Variants in WDR90 observed in about 807,000 individuals in gnomAD.
The protein encoded by WDR90 is WD repeat-containing protein 90.
Under a neutral mutation model 195.2 loss-of-function variants are expected in WDR90, and 238 were observed. The ratio of observed to expected loss-of-function variants is 1.22; its 90% CI spans 1.10 to 1.36. The LOEUF (loss-of-function observed/expected upper bound fraction) is 1.36. Ranked by LOEUF, WDR90 falls within the 40% of genes most tolerant of loss-of-function variation. WDR90 has a pLI of 0.00. For missense variants in WDR90, 2,734 were observed against 2,439.5 expected (o/e 1.12, Z -2.54); for synonymous variants, 1,265 against 1,052.4 (o/e 1.20, Z -3.91).
In WDR90 at chr16:655,794, G is replaced by A; in HGVS notation, c.1871G>A (p.Ser624Asn). 4 of 1,590,358 alleles carry A rather than the reference G, an allele frequency of 2.5e-6. No individual in the cohort carries two copies. The highest frequency in any genetic ancestry group is 3.4e-6 in the Non-Finnish European group (4 of 1,169,580). Residue 624 changes from serine (S) to asparagine (N), a missense_variant, in exon 17 of 41, where the codon AGC (serine) becomes AAC (asparagine). Coordinates refer to ENST00000293879, the MANE Select transcript of WDR90 (RefSeq NM_145294.5). ...FSSGPGIAIS[S>N]LSVSPAMCAV... ...CCAGGCCCCGGCATTGCCATCAGCA[G>A]CCTCAGCGTCTCCCCGGCCATGTGT...
Position 655,412 on chromosome 16 carries a change from C to T in WDR90, c.1662C>T (p.Thr554=), listed in dbSNP as rs770377580. 3.0e-5 allele frequency: 47 copies of T among 1,588,064 alleles called. No individual in the cohort carries two copies. Among genetic ancestry groups the T allele is most frequent in the Admixed American group, 3.4e-5 (2 of 58,336 alleles). Reference sequence around the variant, plus strand: ...GGGAGCACCACGCGCTGCAGTTCACCGACCTGGCCTTCAAGCAGGCCCGGG... The same window carrying T: ...GGGAGCACCACGCGCTGCAGTTCACTGACCTGGCCTTCAAGCAGGCCCGGG... ...DLGEHHALQF[T]DLAFKQARDG... Residue 554 remains threonine (T), a synonymous_variant, in exon 15 of 41, where the codon ACC becomes ACT. Transcript: ENST00000293879.
rs150239730 is a variant in WDR90, at chr16:661,135, C to T, written c.3476C>T (p.Ala1159Val). 4,083 of 1,562,892 alleles carry T rather than the reference C, an allele frequency of 2.6e-3. 7 individuals are homozygous for T. The highest frequency in any genetic ancestry group is 3.2e-3 in the Non-Finnish European group (3,725 of 1,161,268). ...CAGCAGCACTGGTCCGGCCACTCTG[C>T]GGAGATCTCCACGCTGGCCCTCAGC... ...GAQQHWSGHS[A>V]EISTLALSHS... is the part of the protein sequence containing the mutation. Residue 1159 changes from alanine to valine, a missense_variant, in exon 29 of 41, where the codon GCG becomes GTG. Physicochemically the swap from Ala to Val is moderately conservative, Grantham distance 64 (BLOSUM62 0). Coordinates refer to ENST00000293879, the MANE Select transcript of WDR90 (RefSeq NM_145294.5).
intron 30 of WDR90, 44 bp downstream of exon 30, chr16:661,545 C>CG (rs11284424): frequency 9.6e-5 from 151 of 1,572,916 alleles, no homozygotes; most frequent in Middle Eastern, 5.1e-4. Flanking sequence ...CCCTAGACCC[C>CG]GGGGGGGGCT....
At chr16:657,701 C>T in intron 20 of WDR90, 61 bp from the exon 21 acceptor site, 1 of 1,472,358 alleles carries the variant, frequency 6.8e-7, no homozygotes, top group Non-Finnish European at 9.0e-7. Flanking sequence ...CCTCCTCGGG[C>T]CCTGGCCACG....
rs2037633975 is a variant in WDR90 at position 650,982 on chromosome 16, C to T, written c.560-13C>T. On this transcript the variant is annotated splice_polypyrimidine_tract_variant and intron_variant, in intron 5 of 40. Coordinates refer to ENST00000293879, the MANE Select transcript of WDR90 (RefSeq NM_145294.5). ...CAGCCTCCCTTGACCTGGAACAACC[C>T]TGCTCCTTGTAGCCATCTCTGGGGC... The T allele has an allele frequency of 6.2e-7, 1 of 1,612,714 alleles. No individual in the cohort carries two copies. Among genetic ancestry groups the T allele is most frequent in the Non-Finnish European group, 8.5e-7 (1 of 1,179,780 alleles).
intron 35 of WDR90, 57 bp from the exon 36 acceptor site, chr16:665,893 G>T: frequency 6.4e-7 from 1 of 1,558,954 alleles, no homozygotes; most frequent in South Asian, 1.2e-5. Context: ...CTCTGGCCTG[G>T]GTGTGTGTCC....
In WDR90 at chr16:651,899, A is replaced by G; in HGVS notation, c.913A>G (p.Asn305Asp). 6.2e-7 allele frequency: 1 copy of G among 1,611,316 alleles called. No homozygotes were observed. Among genetic ancestry groups the G allele is most frequent in the Middle Eastern group, 1.7e-4 (1 of 6,060 alleles). Reference sequence around the variant, plus strand: ...GTCCCAAGAGCGCTCAGACGCCTCCAACGCGGATGGCCCCGGTTTCCATAG... The same window carrying G: ...GTCCCAAGAGCGCTCAGACGCCTCCGACGCGGATGGCCCCGGTTTCCATAG... ...SLSQERSDAS[N>D]ADGPGFHSLE... Residue 305 changes from asparagine to aspartate, a missense_variant, in exon 9 of 41, where the codon AAC becomes GAC. Coordinates refer to ENST00000293879, the MANE Select transcript of WDR90 (RefSeq NM_145294.5).
chr16:649,499 G>A, intron 1 of WDR90, 73 bp downstream of exon 1: 2 of 1,274,300 alleles, frequency 1.6e-6, no homozygotes, highest in Non-Finnish European at 2.0e-6. Flanking sequence ...GGCGGCCGGA[G>A]CGCTCAGGGC....
chr16:665,154 C>T (rs1260702750), intron 34 of WDR90: 2 of 223,732 alleles, frequency 8.9e-6, no homozygotes, highest in South Asian at 9.2e-5. Flanking sequence ...TGCATTTCCC[C>T]CCAATCAGCG....
At chr16:651,125 G>A (rs755845150) in intron 6 of WDR90, 22 bp downstream of exon 6, 3 of 1,612,832 alleles carry the variant, frequency 1.9e-6, no homozygotes, top group South Asian at 2.2e-5. Context: ...TGCTTCTTTC[G>A]AGGGAGGCCT....
At chr16:649,356 G>A (rs1567212623), upstream of WDR90, 1 of 1,321,444 alleles carries the variant, frequency 7.6e-7, no homozygotes. Flanking sequence ...GCCTGGCGTC[G>A]CGGGGCGTAC....
chr16:649,329 G>A (rs2151122764), upstream of WDR90: 1 of 1,303,836 alleles, frequency 7.7e-7, no homozygotes, highest in Non-Finnish European at 9.8e-7. Context: ...AAGTGGCACC[G>A]TTGCCAGGCA....
intron 31 of WDR90, 34 bp from the exon 32 acceptor site, chr16:661,857 C>T (rs1207285113): frequency 3.1e-6 from 5 of 1,597,664 alleles, no homozygotes; most frequent in African/African-American, 1.3e-5. Flanking sequence ...CCCCGGGACA[C>T]TGCTGACCCA....
At chr16:665,530 G>C in intron 34 of WDR90, 149 bp from the exon 35 acceptor site, 1 of 1,292,074 alleles carries the variant, frequency 7.7e-7, no homozygotes, top group Non-Finnish European at 1.1e-6. Context: ...GGCCGGCATT[G>C]CTCCTTTCCG....
At position 653,311 on chromosome 16, in the gene WDR90, G is replaced by A. The variant is rs568103966; in HGVS notation, c.1123-30G>A. On this transcript the variant is annotated intron_variant, in intron 10 of 40. Coordinates refer to ENST00000293879, the MANE Select transcript of WDR90 (RefSeq NM_145294.5). ...GCCAGGAGGGGCCTGGCGTAGCACC[G>A]GTCCTCAGCCCCCCGCCCCCTTGTG... 18 of 1,475,024 alleles carry A rather than the reference G, an allele frequency of 1.2e-5. No homozygotes were observed. In the South Asian group the frequency reaches 1.6e-4, roughly 13 times the overall value. The allele number at this position is 1,475,024 out of a possible 1,614,324, so 91.4% of individuals were successfully genotyped here.
Position 651,090 on chromosome 16 carries a change from T to C in WDR90, c.655T>C (p.Tyr219His), listed in dbSNP as rs1219819323. 6.2e-7 allele frequency: 1 copy of C among 1,603,414 alleles called. No homozygotes were observed. The highest frequency in any genetic ancestry group is 1.1e-5 in the South Asian group (1 of 90,950). The change falls in exon 6 of 41, where the codon TAC becomes CAC. Residue 219 changes from tyrosine (Y) to histidine (H), a missense_variant. Tyr to His is a moderately conservative substitution (Grantham distance 83). Coordinates refer to ENST00000293879, the MANE Select transcript of WDR90 (RefSeq NM_145294.5). ...VPKGESWHDR[Y>H]IHVRFPSESL... ...CAAGGGAGAGAGCTGGCATGACCGC[T>C]ACATCCACGTCCGGTGAGTGGTTCT... is the stretch of plus-strand genomic sequence containing the variant.
At chr16:661,530 G>A in intron 30 of WDR90, 29 bp downstream of exon 30, 1 of 1,559,276 alleles carries the variant, frequency 6.4e-7, no homozygotes, top group Non-Finnish European at 8.6e-7. Context: ...GGAGGCCAGG[G>A]GCTTCCCTAG....
At chr16:649,963 T>C in intron 2 of WDR90, 28 bp from the exon 3 acceptor site, 4 of 1,610,402 alleles carry the variant, frequency 2.5e-6, no homozygotes, top group Non-Finnish European at 3.4e-6. Context: ...CTGGGTGCTG[T>C]CGGTGATGCG....
chr16:657,959 G>A (rs982847181), intron 21 of WDR90, 67 bp downstream of exon 21: 22 of 1,486,248 alleles, frequency 1.5e-5, no homozygotes, highest in Non-Finnish European at 1.8e-5. Context: ...GGGGCAGGAG[G>A]GAGGTCACGG....
Sources: gnomAD v4.1 joint callset for allele counts on GRCh38, gnomAD v4.1.1 for gene constraint, MANE v1.5 for transcripts, NCBI Gene and HGNC (gene_info 2026-07-23, HGNC 2026-07-21) for gene names.